KCNJ6: variants seen among roughly 807,000 people sequenced by gnomAD.
The protein encoded by KCNJ6 is potassium inwardly rectifying channel subfamily J member 6.
A neutral mutation model predicts 34.2 loss-of-function variants in KCNJ6; 9 were observed. The observed-to-expected ratio is 0.26, with a 90% confidence interval of 0.16 to 0.46. The LOEUF (loss-of-function observed/expected upper bound fraction) is 0.46. KCNJ6 is among the 20% of genes least tolerant of loss of function. The pLI is 1.00. For synonymous variants in KCNJ6, 196 were observed against 207.1 expected, an observed-to-expected ratio of 0.95 and a Z score of 0.46; for missense variants, 236 against 531.3, an observed-to-expected ratio of 0.44 and a Z score of 5.46.
At chr21:37,706,162 G>A (rs374256222) in intron 3 of KCNJ6, among the ~76,000 whole-genome samples, 2 of 152,166 alleles carry the variant, frequency 1.3e-5, no homozygotes, top group African/African-American at 2.4e-5. Flanking sequence ...ACTACTGTTC[G>A]CATAGCCCTG....
chr21:37,708,724 T>C (rs1406144821), intron 3 of KCNJ6, among the ~76,000 whole-genome samples: 1 of 152,108 alleles, frequency 6.6e-6, no homozygotes, highest in Non-Finnish European at 1.5e-5. Flanking sequence ...ACTCTTAAGA[T>C]AAAAAATGGT....
At chr21:37,711,798 C>CA (rs1556022876) in intron 3 of KCNJ6, among the ~76,000 whole-genome samples, 1 of 70,708 alleles carries the variant, frequency 1.4e-5, no homozygotes, top group African/African-American at 1.1e-4. Flanking sequence ...CTTTCTAGAA[C>CA]CCCCCCCCCA....
chr21:37,661,965 CT>C (rs1253257627), intron 3 of KCNJ6, among the ~76,000 whole-genome samples: 1 of 151,992 alleles, frequency 6.6e-6, no homozygotes, highest in East Asian at 1.9e-4. Flanking sequence ...ACTATTTGTA[CT>C]TAAAAATTAT....
At chr21:37,863,835 A>C (rs2055606565) in intron 1 of KCNJ6, among the ~76,000 whole-genome samples, 1 of 121,754 alleles carries the variant, frequency 8.2e-6, no homozygotes, top group African/African-American at 3.3e-5. Flanking sequence ...AAGCAATTTT[A>C]AAATATAAAG....
chr21:37,677,771 T>TCCACCCACCCAC (rs2054571555), intron 3 of KCNJ6, among the ~76,000 whole-genome samples: 2 of 14,112 alleles, frequency 1.4e-4, no homozygotes, highest in Non-Finnish European at 2.8e-4. Flanking sequence ...AAACCATTTG[T>TCCACCCACCCAC]CCATCCATCC....
intron 2 of KCNJ6, among the ~76,000 whole-genome samples, chr21:37,837,796 G>T (rs2046872426): frequency 6.7e-6 from 1 of 150,248 alleles, no homozygotes; most frequent in Non-Finnish European, 1.5e-5. Context: ...TTAATTCTTT[G>T]CTCAGCCTAC....
chr21:37,913,671 A>T (rs941956337), intron 1 of KCNJ6, among the ~76,000 whole-genome samples: 2 of 152,034 alleles, frequency 1.3e-5, no homozygotes, highest in Non-Finnish European at 2.9e-5. Context: ...TACAAAAATT[A>T]GCCAGGTGTT....
At chr21:37,690,236 AT>A (rs555234651) in intron 3 of KCNJ6, among the ~76,000 whole-genome samples, 1,617 of 152,268 alleles carry the variant, frequency 0.011, 27 homozygotes, top group African/African-American at 0.037. Flanking sequence ...CCATGTAATT[AT>A]TTTTACATTC....
intron 3 of KCNJ6, among the ~76,000 whole-genome samples, chr21:37,639,436 ATTT>A (rs983591251): frequency 1.3e-5 from 2 of 150,956 alleles, no homozygotes; most frequent in South Asian, 4.2e-4. Context: ...TACCTGAACT[ATTT>A]TTTTTTCTAT....
intron 1 of KCNJ6, among the ~76,000 whole-genome samples, chr21:37,882,790 C>A (rs1042751510): frequency 6.6e-6 from 1 of 152,216 alleles, no homozygotes; most frequent in Admixed American, 6.5e-5. Flanking sequence ...CAGTCTCTGC[C>A]TTACAGGCAC....
At position 37,695,230 on chromosome 21, in the gene KCNJ6, G is replaced by A. The variant is rs1185869763; in HGVS notation, c.946+18981C>T. ...TCCAGGCATTGTTGCAACCACAAGG[G>A]AGACCTGGCTTGTTACAGAACTTAA... On this transcript the variant is annotated intron_variant, in intron 3 of 3. Coordinates refer to ENST00000609713, the MANE Select transcript of KCNJ6 (RefSeq NM_002240.5). The surrounding 1 kb of genome is among the most constrained non-coding windows in gnomAD (Gnocchi z 4.2). 6.6e-6 allele frequency among the ~76,000 whole-genome samples: 1 copy of A among 152,182 alleles called. No individual in the cohort carries two copies. Among genetic ancestry groups the A allele is most frequent in the Non-Finnish European group, 1.5e-5 (1 of 68,036 alleles).
At position 37,616,643 on chromosome 21, in the gene KCNJ6, G is replaced by T. The variant is rs565801253; in HGVS notation, c.*8516C>A. On this transcript the variant is annotated 3_prime_UTR_variant, in exon 4 of 4. Coordinates refer to ENST00000609713, the MANE Select transcript of KCNJ6 (RefSeq NM_002240.5). ...GTTAGACTCTGAACATATACGCTCG[G>T]TTAAAATTGGTGGTGGCTATTAAGT... is the stretch of plus-strand genomic sequence containing the variant. 7 of 111,532 alleles carry T rather than the reference G, an allele frequency of 6.3e-5. No individual in the cohort carries two copies. The highest frequency in any genetic ancestry group is 3.0e-4 in the Admixed American group (3 of 10,128). The allele number at this position is 111,532 out of a possible 1,614,324, so 6.9% of individuals were successfully genotyped here. A position where few individuals can be genotyped will look rare whatever the true frequency, so the allele number is the denominator to read the frequency against.
intron 2 of KCNJ6, among the ~76,000 whole-genome samples, chr21:37,809,467 T>C (rs2055311192): frequency 6.6e-6 from 1 of 151,880 alleles, no homozygotes. Flanking sequence ...ATGGCACATG[T>C]ATACACATGT....
chr21:37,852,020 G>C (rs1019239734), intron 1 of KCNJ6, among the ~76,000 whole-genome samples: 1 of 152,140 alleles, frequency 6.6e-6, no homozygotes, highest in African/African-American at 2.4e-5. Flanking sequence ...AAAGACCTAG[G>C]AGAGAGGTAG....
At chr21:37,660,417 G>A (rs994628434) in intron 3 of KCNJ6, among the ~76,000 whole-genome samples, 2 of 152,216 alleles carry the variant, frequency 1.3e-5, no homozygotes, top group Non-Finnish European at 2.9e-5. Flanking sequence ...CCCTGAATGG[G>A]AAGCACTGGT....
chr21:37,692,713 G>C (rs1403690557), intron 3 of KCNJ6, among the ~76,000 whole-genome samples: 1 of 152,200 alleles, frequency 6.6e-6, no homozygotes, highest in African/African-American at 2.4e-5. Context: ...CTTTCAAAGA[G>C]ACATAGAATA....
intron 2 of KCNJ6, among the ~76,000 whole-genome samples, chr21:37,725,337 G>A (rs889934529): frequency 2.6e-5 from 4 of 152,152 alleles, no homozygotes; most frequent in African/African-American, 9.7e-5. Context: ...AGGTTGCAGT[G>A]AGCCGAGATC....
At chr21:37,906,525 G>T (rs1428216269) in intron 1 of KCNJ6, among the ~76,000 whole-genome samples, 3 of 152,356 alleles carry the variant, frequency 2.0e-5, no homozygotes, top group East Asian at 3.9e-4. Context: ...TGTCCTCAGG[G>T]TTCCTGATCC....
chr21:37,626,130 C>CCTT (rs2054309643), intron 3 of KCNJ6, among the ~76,000 whole-genome samples: 1 of 143,040 alleles, frequency 7.0e-6, no homozygotes, highest in Admixed American at 7.0e-5. Context: ...TTTCCCCCTT[C>CCTT]TTTTTTTTTT....
Sources: allele counts gnomAD v4.1 joint callset (sites outside exome capture counted in the v4.1 genomes callset), GRCh38; gene constraint gnomAD v4.1.1; non-coding constraint Gnocchi (gnomAD v3.1); transcripts MANE v1.5; gene names NCBI Gene and HGNC (gene_info 2026-07-23, HGNC 2026-07-21).